The following ATAD1 variants were observed in gnomAD, a reference collection of about 807,000 sequenced individuals.
ATAD1 encodes outer mitochondrial transmembrane helix translocase.
In ATAD1, 18 loss-of-function variants were observed where a neutral mutation model predicts 42.7. The ratio of observed to expected loss-of-function variants is 0.42; its 90% CI spans 0.29 to 0.63. ATAD1 has a LOEUF of 0.63. ATAD1 is among the 20% of genes least tolerant of loss of function. The pLI is 0.19. For synonymous variants in ATAD1, 132 were observed against 143.1 expected (o/e 0.92, Z 0.55); for missense variants, 294 against 440.4 (o/e 0.67, Z 2.98).
At chr10:87,826,040 T>C (rs1177599699) in intron 1 of ATAD1, among the ~76,000 whole-genome samples, 2 of 152,160 alleles carry the variant, frequency 1.3e-5, no homozygotes, top group African/African-American at 4.8e-5. Context: ...GGATGAAATA[T>C]CTACTAGGCC....
intron 1 of ATAD1, chr10:87,814,924 A>C (rs1373611515): frequency 1.2e-5 from 2 of 165,928 alleles, no homozygotes; most frequent in Non-Finnish European, 2.6e-5. Context: ...GCTTTAAAGA[A>C]CTATTTCAGA....
chr10:87,765,804 G>GA (rs1854715729), intron 8 of ATAD1, among the ~76,000 whole-genome samples: 2 of 152,130 alleles, frequency 1.3e-5, no homozygotes, highest in African/African-American at 4.8e-5. Context: ...AAGGCGGGGG[G>GA]ATTGCTTGAA....
chr10:87,814,467 T>C lies in ATAD1; in HGVS notation c.133A>G (p.Arg45Gly). The C allele has an allele frequency of 6.2e-7, 1 of 1,601,434 alleles. No individual in the cohort carries two copies. Among genetic ancestry groups the C allele is most frequent in the Non-Finnish European group, 8.5e-7 (1 of 1,174,362 alleles). ...KWMVDAIDPT[R>G]KQKVEAQKQA... ...TTCTGAGCTTCTACTTTTTGCTTTC[T>C]GGTTGGATCAATTGCATCTACCATC... Residue 45 changes from arginine (R) to glycine (G), a missense_variant, in exon 2 of 10, where the codon AGA (arginine) becomes GGA (glycine). Arg to Gly is a moderately radical substitution (Grantham distance 125). Transcript: ENST00000680024.
intron 1 of ATAD1, among the ~76,000 whole-genome samples, chr10:87,839,721 C>T (rs1169157776): frequency 2.0e-5 from 3 of 152,122 alleles, no homozygotes; most frequent in Non-Finnish European, 4.4e-5. Flanking sequence ...CCGCCGCCCC[C>T]AGTAATCTTC....
chr10:87,832,033 T>A (rs563932690), intron 1 of ATAD1: 1 of 151,948 alleles, frequency 6.6e-6, no homozygotes, highest in Admixed American at 6.6e-5. Flanking sequence ...GTACTCATTA[T>A]GCTCTGTTCC....
chr10:87,780,167 G>A (rs1185312048), intron 5 of ATAD1, among the ~76,000 whole-genome samples: 1 of 152,016 alleles, frequency 6.6e-6, no homozygotes, highest in African/African-American at 2.4e-5. Context: ...AAGATGTGGA[G>A]GAAACTTAAA....
In ATAD1 at chr10:87,770,952, A is replaced by T. The variant is rs114428714; in HGVS notation, c.780T>A (p.Pro260=). The change falls in exon 7 of 10, where the codon CCT becomes CCA. Residue 260 remains proline (P), a splice_region_variant and synonymous_variant. Coordinates refer to ENST00000680024, the MANE Select transcript of ATAD1 (RefSeq NM_001321967.2). ...RMPTRFHINQ[P]ALKQREAILK... The stretch of plus-strand genomic sequence containing the variant: ...CATAATATCAATCAAGACCACCTAC[A>T]GGCTGGTTGATATGAAATCTTGTAG... 322 of 1,612,352 alleles carry T rather than the reference A, an allele frequency of 2.0e-4. 1 individual carries two copies. In the African/African-American group the frequency reaches 3.7e-3, roughly 19 times the overall value.
At chr10:87,789,990 A>T (rs1183596571) in intron 4 of ATAD1, among the ~76,000 whole-genome samples, 1 of 152,160 alleles carries the variant, frequency 6.6e-6, no homozygotes, top group Admixed American at 6.5e-5. Context: ...TTGAAAACAA[A>T]ACAAAACAAA....
At chr10:87,811,205 C>T (rs1400598576) in intron 2 of ATAD1, among the ~76,000 whole-genome samples, 2 of 152,046 alleles carry the variant, frequency 1.3e-5, no homozygotes, top group African/African-American at 4.8e-5. Flanking sequence ...TGGTTGCACA[C>T]TTCTGTAATC....
At chr10:87,809,168 G>GT (rs1355820454) in intron 2 of ATAD1, among the ~76,000 whole-genome samples, 8 of 151,918 alleles carry the variant, frequency 5.3e-5, no homozygotes, top group Admixed American at 2.0e-4. Flanking sequence ...ATTTATCGAC[G>GT]TAACAGTTGA....
rs768260429 is a variant in ATAD1, at chr10:87,814,537, G to A, written c.63C>T (p.Phe21=). ...LSRNEVVGLI[F]RLTIFGAVTY... ...TCACTGCACCAAATATTGTCAAACG[G>A]AAAATTAAACCAACAACTTCATTCC... The change falls in exon 2 of 10, where the codon TTC becomes TTT. Residue 21 remains phenylalanine, a synonymous_variant. Coordinates refer to ENST00000680024, the MANE Select transcript of ATAD1 (RefSeq NM_001321967.2). 2 of 1,611,758 alleles carry A rather than the reference G, an allele frequency of 1.2e-6. No individual in the cohort carries two copies. Among genetic ancestry groups the A allele is most frequent in the South Asian group, 2.2e-5 (2 of 90,846 alleles).
intron 7 of ATAD1, among the ~76,000 whole-genome samples, chr10:87,770,394 G>A (rs1188953567): frequency 2.0e-5 from 3 of 152,180 alleles, no homozygotes; most frequent in African/African-American, 7.2e-5. Flanking sequence ...TCATCTACTA[G>A]AGGGGTACTT....
chr10:87,811,765 T>C (rs565800904), intron 2 of ATAD1, among the ~76,000 whole-genome samples: 8 of 152,306 alleles, frequency 5.3e-5, no homozygotes, highest in South Asian at 2.1e-4. Flanking sequence ...GATAAGGAAA[T>C]ATACCTCTGG....
intron 1 of ATAD1, among the ~76,000 whole-genome samples, chr10:87,831,883 A>G (rs1431178430): frequency 6.6e-6 from 1 of 151,112 alleles, no homozygotes; most frequent in Non-Finnish European, 1.5e-5. Flanking sequence ...TGTAATTCTC[A>G]TAAACCTGTA....
chr10:87,780,038 A>G (rs965925764), intron 5 of ATAD1, among the ~76,000 whole-genome samples: 1 of 152,244 alleles, frequency 6.6e-6, no homozygotes, highest in Non-Finnish European at 1.5e-5. Context: ...TGTCAGCAGC[A>G]TTACTCCTAA....
intron 2 of ATAD1, among the ~76,000 whole-genome samples, chr10:87,807,099 T>TA (rs1293447837): frequency 6.6e-6 from 1 of 152,226 alleles, no homozygotes; most frequent in East Asian, 1.9e-4. Flanking sequence ...TACATGTTAA[T>TA]AAACTTGTTT....
At chr10:87,834,198 A>G (rs1226548369) in intron 1 of ATAD1, among the ~76,000 whole-genome samples, 1 of 152,112 alleles carries the variant, frequency 6.6e-6, no homozygotes, top group African/African-American at 2.4e-5. Context: ...ATTTGTTAAT[A>G]TTTTGTTGAA....
chr10:87,783,190 G>A, intron 5 of ATAD1, among the ~76,000 whole-genome samples: 1 of 151,866 alleles, frequency 6.6e-6, no homozygotes, highest in Non-Finnish European at 1.5e-5. Context: ...GACCATCCTG[G>A]GCAACATGGA....
chr10:87,777,459 G>A (rs935095019), intron 5 of ATAD1, among the ~76,000 whole-genome samples: 14 of 151,984 alleles, frequency 9.2e-5, no homozygotes, highest in Non-Finnish European at 1.6e-4. Flanking sequence ...TGGATTTAAG[G>A]ACAAGTTTAA....
Sources: allele counts gnomAD v4.1 joint callset (sites outside exome capture counted in the v4.1 genomes callset), GRCh38; gene constraint gnomAD v4.1.1; transcripts MANE v1.5; gene names NCBI Gene and HGNC (gene_info 2026-07-23, HGNC 2026-07-21).